STRN3: variants seen among roughly 807,000 people sequenced by gnomAD.
The protein encoded by STRN3 is striatin-3.
A neutral mutation model predicts 95.6 loss-of-function variants in STRN3; 29 were observed. That is an observed-to-expected ratio of 0.30 (90% confidence interval 0.23 to 0.41). The LOEUF (loss-of-function observed/expected upper bound fraction) is 0.41. Ranked by LOEUF, STRN3 falls within the 10% of genes least tolerant of loss-of-function variation. The pLI is 1.00. For missense variants in STRN3, 890 were observed against 972.1 expected (o/e 0.92, Z 1.12); for synonymous variants, 331 against 357.6 (o/e 0.93, Z 0.84).
chr14:31,025,972 T>G lies in STRN3; in HGVS notation c.214A>C (p.Ile72Leu), dbSNP rs1229094682. 1 of 1,582,552 alleles carries G rather than the reference T, an allele frequency of 6.3e-7. No homozygotes were observed. Among genetic ancestry groups the G allele is most frequent in the South Asian group, 1.1e-5 (1 of 87,034 alleles). The part of the protein sequence containing the change: ...QYTIPGILHY[I>L]QHEWARFEME... ...TCGAACCGAGCCCACTCGTGCTGGA[T>G]GTAGTGCAGTATCCCCGGGATAGTG... is the stretch of plus-strand genomic sequence containing the variant. Residue 72 changes from isoleucine (I) to leucine (L), a missense_variant, in exon 1 of 18, where the codon ATC (isoleucine) becomes CTC (leucine). Ile to Leu is a conservative substitution (Grantham distance 5, BLOSUM62 2). This residue lies in a region of STRN3 where 526 missense variants were observed against 526.3 expected (regional missense o/e 1.00). Transcript: ENST00000357479.
chr14:30,944,142 A>G (rs1483960582), intron 5 of STRN3, among the ~76,000 whole-genome samples: 1 of 152,058 alleles, frequency 6.6e-6, no homozygotes, highest in Non-Finnish European at 1.5e-5. Flanking sequence ...TGATACTAAG[A>G]GTGAGGGGGA....
intron 1 of STRN3, among the ~76,000 whole-genome samples, chr14:31,021,852 A>T (rs543548024): frequency 2.8e-4 from 42 of 152,282 alleles, no homozygotes; most frequent in Non-Finnish European, 2.2e-4. Flanking sequence ...CAGACTACAG[A>T]GTGGGGTTAA....
intron 1 of STRN3, among the ~76,000 whole-genome samples, chr14:30,977,783 G>A (rs1421534288): frequency 2.4e-5 from 2 of 84,588 alleles, no homozygotes; most frequent in African/African-American, 5.2e-5. Flanking sequence ...AACAAAACAA[G>A]ACTCTATCTC....
chr14:30,976,119 C>A (rs1476113033), intron 1 of STRN3, among the ~76,000 whole-genome samples: 1 of 152,022 alleles, frequency 6.6e-6, no homozygotes, highest in Non-Finnish European at 1.5e-5. Flanking sequence ...TCAAAAGAGA[C>A]TGTTGTAGTG....
chr14:31,016,629 C>T (rs1263728058), intron 1 of STRN3, among the ~76,000 whole-genome samples: 1 of 152,028 alleles, frequency 6.6e-6, no homozygotes, highest in African/African-American at 2.4e-5. Context: ...CTACAACCTC[C>T]GCCTCCCGGG....
At chr14:30,965,734 T>TACC (rs1290840567) in intron 1 of STRN3, among the ~76,000 whole-genome samples, 1 of 133,916 alleles carries the variant, frequency 7.5e-6, no homozygotes. Flanking sequence ...GAATCGCTTG[T>TACC]ACCAGCCTGG....
intron 1 of STRN3, among the ~76,000 whole-genome samples, chr14:30,983,939 A>G (rs1014247221): frequency 2.6e-5 from 4 of 152,140 alleles, no homozygotes; most frequent in African/African-American, 9.7e-5. Context: ...TCATGTAGAC[A>G]TTACTTATCA....
intron 1 of STRN3, among the ~76,000 whole-genome samples, chr14:31,023,502 A>G (rs1234315631): frequency 6.6e-6 from 1 of 152,214 alleles, no homozygotes; most frequent in East Asian, 1.9e-4. Flanking sequence ...AAAATTTTAC[A>G]TCAATATGGG....
intron 1 of STRN3, among the ~76,000 whole-genome samples, chr14:30,988,671 T>G (rs1221973278): frequency 6.6e-6 from 1 of 152,236 alleles, no homozygotes; most frequent in Non-Finnish European, 1.5e-5. Context: ...TGACAAAGTT[T>G]TGAATGACTC....
chr14:30,944,202 C>A (rs1452355696), intron 5 of STRN3, among the ~76,000 whole-genome samples: 1 of 151,994 alleles, frequency 6.6e-6, no homozygotes, highest in African/African-American at 2.4e-5. Context: ...CGTGGTATGG[C>A]AAACCTGTAT....
At chr14:30,945,066 A>T (rs890663665) in intron 5 of STRN3, among the ~76,000 whole-genome samples, 1 of 152,076 alleles carries the variant, frequency 6.6e-6, no homozygotes, top group Non-Finnish European at 1.5e-5. Context: ...TGTCTTTCTA[A>T]CCTATGTTAC....
rs1034589665 is a variant in STRN3 at position 30,960,342 on chromosome 14, G to C, written c.283-4100C>G. Among the ~76,000 whole-genome samples the C allele has an allele frequency of 9.9e-5, 15 of 152,088 alleles. No individual in the cohort carries two copies. The South Asian group carries it at 1.9e-3, about 19-fold the overall frequency. ...AACAGAGTTTCAAGAAAAACAAAAA[G>C]AATGAGGTGATAGAATTTGCTCTAC... On this transcript the variant is annotated intron_variant, in intron 1 of 17. Transcript: ENST00000357479.
chr14:30,964,965 C>T (rs933819833), intron 1 of STRN3, among the ~76,000 whole-genome samples: 1 of 151,766 alleles, frequency 6.6e-6, no homozygotes, highest in Non-Finnish European at 1.5e-5. Flanking sequence ...TTGGTGCTGT[C>T]TTGGTCTTTG....
Position 30,913,465 on chromosome 14 carries a change from CA to C in STRN3, c.1374+58del. 12 of 1,472,620 alleles carry C rather than the reference CA, an allele frequency of 8.1e-6. No homozygotes were observed. The South Asian group carries it at 1.1e-4, about 14-fold the overall frequency. The allele number at this position is 1,472,620 out of a possible 1,614,324, so 91.2% of individuals were successfully genotyped here. A position where few individuals can be genotyped will look rare whatever the true frequency, so the allele number is the denominator to read the frequency against. ...ATTAATTCTGTTTTATAAGTGATTC[CA>C]AAAAATAAGGAGCCTTCTATTAAAT... On this transcript the variant is annotated intron_variant, in intron 10 of 17. Transcript: ENST00000357479.
At chr14:30,908,788 C>T (rs551941165) in intron 13 of STRN3, among the ~76,000 whole-genome samples, 70 of 152,284 alleles carry the variant, frequency 4.6e-4, no homozygotes, top group African/African-American at 1.6e-3. Flanking sequence ...ACTTTAGTCC[C>T]AGGTTGTCTT....
In STRN3 at chr14:30,984,400, T is replaced by C. The variant is rs112801766; in HGVS notation, c.283-28158A>G. Among the ~76,000 whole-genome samples the C allele has an allele frequency of 9.2e-3, 1,373 of 149,886 alleles. 21 individuals are homozygous for C. Among genetic ancestry groups the C allele is most frequent in the African/African-American group, 0.032 (1,289 of 40,776 alleles). ...GCCTGGGCAACAGAGCGAGACTCCA[T>C]CTCAAAAAAACTTTGCTGTTAGTTA... On this transcript the variant is annotated intron_variant, in intron 1 of 17. Coordinates refer to ENST00000357479, the MANE Select transcript of STRN3 (RefSeq NM_001083893.2).
chr14:30,905,136 A>G (rs1955566), intron 15 of STRN3, among the ~76,000 whole-genome samples: 8,611 of 152,138 alleles, frequency 0.057, 439 homozygotes, highest in East Asian at 0.21. Flanking sequence ...ATAGGTATTA[A>G]AACTGAATGC....
chr14:30,914,554 T>C (rs1896688339), intron 9 of STRN3, among the ~76,000 whole-genome samples: 1 of 152,206 alleles, frequency 6.6e-6, no homozygotes, highest in African/African-American at 2.4e-5. Context: ...GCTTTCACCA[T>C]GTTGGCCAGG....
chr14:30,941,564 G>A (rs1366977191), intron 5 of STRN3, among the ~76,000 whole-genome samples: 2 of 152,150 alleles, frequency 1.3e-5, no homozygotes, highest in African/African-American at 2.4e-5. Flanking sequence ...TTGGAGTAGG[G>A]GAGGGGTGGT....
Sources: gnomAD v4.1 joint callset for allele counts (sites outside exome capture counted in the v4.1 genomes callset) on GRCh38, gnomAD v4.1.1 for gene constraint, gnomAD v4.1.1 regional missense constraint, MANE v1.5 for transcripts, NCBI Gene and HGNC (gene_info 2026-07-23, HGNC 2026-07-21) for gene names.